LCOR: variants seen among roughly 807,000 people sequenced by gnomAD.
The protein encoded by LCOR is ligand dependent nuclear receptor corepressor.
LCOR carries 14 observed loss-of-function variants against 64.4 expected under a neutral mutation model. The observed-to-expected ratio is 0.22, with a 90% confidence interval of 0.14 to 0.34. The LOEUF is 0.34. Among genes scored for constraint, LCOR ranks in the 10% least tolerant of loss-of-function variants. The pLI is 1.00. For missense variants in LCOR, 1,686 were observed against 1,765.3 expected, an observed-to-expected ratio of 0.96 and a Z score of 0.80; for synonymous variants, 643 against 642.5, an observed-to-expected ratio of 1.00 and a Z score of -0.01.
intron 2 of LCOR, among the ~76,000 whole-genome samples, chr10:96,836,993 CTT>C (rs1217375296): frequency 1.1e-4 from 16 of 139,796 alleles, no homozygotes; most frequent in Admixed American, 3.6e-4. Flanking sequence ...GACACAGATT[CTT>C]TTTTTTTTTT....
intron 7 of LCOR, chr10:96,957,752 A>G (rs972556059): frequency 1.0e-6 from 1 of 985,306 alleles, no homozygotes; most frequent in African/African-American, 1.7e-5. Flanking sequence ...AAGGTTAGGC[A>G]CACCATTGCT....
At chr10:96,862,253 G>A (rs937740568) in intron 2 of LCOR, among the ~76,000 whole-genome samples, 2 of 152,032 alleles carry the variant, frequency 1.3e-5, no homozygotes, top group East Asian at 1.9e-4. Flanking sequence ...GGGAGGCTTC[G>A]TTACATAGAC....
chr10:96,950,463 C>G (rs1199536687), intron 6 of LCOR, among the ~76,000 whole-genome samples: 2 of 152,078 alleles, frequency 1.3e-5, no homozygotes, highest in African/African-American at 4.8e-5. Context: ...CATTAAAGAT[C>G]TCCTCACTCT....
chr10:96,835,432 C>G (rs540441886), intron 2 of LCOR, among the ~76,000 whole-genome samples: 111 of 152,264 alleles, frequency 7.3e-4, no homozygotes, highest in South Asian at 1.9e-3. Flanking sequence ...TATTCATAGT[C>G]TCTCAACTAA....
rs948124920 is a variant in LCOR at position 96,915,812 on chromosome 10, T to G, written c.-184+8065T>G. 13 of 574,442 alleles carry G rather than the reference T, an allele frequency of 2.3e-5. No homozygotes were observed. The African/African-American group carries it at 2.5e-4, about 11-fold the overall frequency. The allele number at this position is 574,442 out of a possible 1,614,324, so 35.6% of individuals were successfully genotyped here. A position where few individuals can be genotyped will look rare whatever the true frequency, so the allele number is the denominator to read the frequency against. ...GGGCTCTGGCTTTGGAGGAGCAGGG[T>G]TAGCAGACAACCTTGCAGATCTTCT... is the stretch of plus-strand genomic sequence containing the variant. On this transcript the variant is annotated intron_variant, in intron 4 of 7. Transcript: ENST00000421806.
At chr10:96,929,100 T>C (rs1414688239) in intron 4 of LCOR, among the ~76,000 whole-genome samples, 2 of 152,184 alleles carry the variant, frequency 1.3e-5, no homozygotes, top group Non-Finnish European at 1.5e-5. Flanking sequence ...GCCCTCGAAT[T>C]TGGGGAATCG....
At chr10:96,910,262 C>CA in intron 4 of LCOR, among the ~76,000 whole-genome samples, 1 of 138,828 alleles carries the variant, frequency 7.2e-6, no homozygotes, top group East Asian at 1.9e-4. Flanking sequence ...GCACTTAAAA[C>CA]AACTGTTTTA....
intron 5 of LCOR, among the ~76,000 whole-genome samples, chr10:96,946,684 G>C (rs1847594908): frequency 6.6e-6 from 1 of 152,070 alleles, no homozygotes; most frequent in African/African-American, 2.4e-5. Flanking sequence ...ACAAGATAGA[G>C]AAATTCAAAT....
chr10:96,955,358 C>T, intron 7 of LCOR: 1 of 1,614,076 alleles, frequency 6.2e-7, no homozygotes, highest in Non-Finnish European at 8.5e-7. Context: ...AGGATGTGAG[C>T]CATTCATCTC....
In LCOR at chr10:96,966,913, T is replaced by G. The variant is rs115521639; in HGVS notation, c.333-13880T>G. Among the ~76,000 whole-genome samples the G allele has an allele frequency of 2.8e-3, 431 of 152,274 alleles. 6 individuals are homozygous for G. The highest frequency in any genetic ancestry group is 9.3e-3 in the African/African-American group (387 of 41,558). On this transcript the variant is annotated intron_variant, in intron 7 of 7. Transcript: ENST00000421806. ...GCCATGCCTGGCTAATTTTACAATTTTTTGTGGAGACAAGGTTTCAGTACG... is the reference window on the plus strand; with the variant it reads ...GCCATGCCTGGCTAATTTTACAATTGTTTGTGGAGACAAGGTTTCAGTACG...
At chr10:96,851,025 G>T (rs577347963) in intron 2 of LCOR, among the ~76,000 whole-genome samples, 1 of 152,228 alleles carries the variant, frequency 6.6e-6, no homozygotes, top group Non-Finnish European at 1.5e-5. Flanking sequence ...TAAACTTGAT[G>T]TAATAGGCAA....
rs370538182 is a variant in LCOR, at chr10:96,984,458, A to C, written c.3998A>C (p.Glu1333Ala). 8 of 1,614,112 alleles carry C rather than the reference A, an allele frequency of 5.0e-6. No individual in the cohort carries two copies. Among genetic ancestry groups the C allele is most frequent in the Non-Finnish European group, 6.8e-6 (8 of 1,180,044 alleles). ...QQRLIKNEKM[E>A]CPDALAVESK... The stretch of plus-strand genomic sequence containing the variant: ...CGTTTAATCAAGAATGAGAAAATGG[A>C]ATGCCCAGATGCTCTGGCTGTGGAA... The change falls in exon 8 of 8, where the codon GAA (glutamate) becomes GCA (alanine). Residue 1333 changes from glutamate (E) to alanine (A), a missense_variant. Physicochemically the swap from Glu to Ala is moderately radical, Grantham distance 107. This residue lies in a region of LCOR where 1,293 missense variants were observed against 1,410.4 expected (regional missense o/e 0.92). Transcript: ENST00000421806.
chr10:96,922,637 A>T (rs1365474599), intron 4 of LCOR, among the ~76,000 whole-genome samples: 2 of 152,242 alleles, frequency 1.3e-5, no homozygotes, highest in African/African-American at 2.4e-5. Context: ...ATTTCCAACC[A>T]ATAGAGGCAT....
At chr10:96,939,351 C>G (rs955974714) in intron 4 of LCOR, among the ~76,000 whole-genome samples, 1 of 152,140 alleles carries the variant, frequency 6.6e-6, no homozygotes, top group African/African-American at 2.4e-5. Context: ...ACAAAATTAA[C>G]TTGACATGTA....
chr10:96,933,829 A>C (rs887154556), intron 4 of LCOR, among the ~76,000 whole-genome samples: 31 of 152,174 alleles, frequency 2.0e-4, no homozygotes, highest in African/African-American at 7.5e-4. Context: ...AAAGACTCTT[A>C]ATAGATTAAA....
intron 2 of LCOR, among the ~76,000 whole-genome samples, chr10:96,870,885 T>C (rs1846062001): frequency 6.6e-6 from 1 of 152,318 alleles, no homozygotes; most frequent in South Asian, 2.1e-4. Context: ...TCCTCATTCT[T>C]ATTAGAAGTG....
chr10:96,832,596 G>T (rs544646775), intron 1 of LCOR, among the ~76,000 whole-genome samples, 197 bp downstream of exon 1: 1,632 of 139,042 alleles, frequency 0.012, 32 homozygotes, highest in African/African-American at 0.04. Context: ...TCGGCCGAGC[G>T]CGCGCCGGCC....
intron 2 of LCOR, among the ~76,000 whole-genome samples, chr10:96,882,256 G>T (rs947374548): frequency 2.0e-5 from 3 of 152,116 alleles, no homozygotes; most frequent in East Asian, 3.8e-4. Context: ...TCTTACATCT[G>T]CTTTTTCATT....
At position 96,985,095 on chromosome 10, in the gene LCOR, C is replaced by CT; in HGVS notation, c.4636dup (p.Cys1546LeufsTer26). The CT allele has an allele frequency of 6.2e-7, 1 of 1,607,286 alleles. No individual in the cohort carries two copies. Among genetic ancestry groups the CT allele is most frequent in the Non-Finnish European group, 8.5e-7 (1 of 1,178,254 alleles). On this transcript the variant is annotated frameshift_variant, in exon 8 of 8. Coordinates refer to ENST00000421806, the MANE Select transcript of LCOR (RefSeq NM_001346516.2). LOFTEE classifies it high-confidence loss of function. ...AGCGAAAGCTGAAGGCAAAGCTGGA[C>CT]TGTTCGCACAGCAAACGGAGGCGGC...
Sources: gnomAD v4.1 joint callset for allele counts (sites outside exome capture counted in the v4.1 genomes callset) on GRCh38, gnomAD v4.1.1 for gene constraint, gnomAD v4.1.1 regional missense constraint, MANE v1.5 for transcripts, NCBI Gene and HGNC (gene_info 2026-07-23, HGNC 2026-07-21) for gene names.